The following ANKRD22 variants were observed in gnomAD, a reference collection of about 807,000 sequenced individuals.
ANKRD22 encodes the protein ankyrin repeat domain-containing protein 22.
ANKRD22 carries 24 observed loss-of-function variants against 25.7 expected under a neutral mutation model. That is an observed-to-expected ratio of 0.93 (90% CI 0.68 to 1.31). The LOEUF is 1.31. Among genes scored for constraint, ANKRD22 ranks in the 50% most tolerant of loss-of-function variants. ANKRD22 has a pLI of 0.00. For missense variants in ANKRD22, 214 were observed against 227.1 expected, an observed-to-expected ratio of 0.94 and a Z score of 0.37; for synonymous variants, 84 against 84.3, an observed-to-expected ratio of 1.00 and a Z score of 0.02.
At chr10:88,843,963 T>C (rs1011599243) in intron 1 of ANKRD22, among the ~76,000 whole-genome samples, 1 of 152,116 alleles carries the variant, frequency 6.6e-6, no homozygotes, top group Non-Finnish European at 1.5e-5. Flanking sequence ...CACATAGGAC[T>C]CTCAAATCCA....
intron 4 of ANKRD22, among the ~76,000 whole-genome samples, chr10:88,823,790 T>C (rs1007915394): frequency 5.3e-5 from 7 of 131,168 alleles, no homozygotes; most frequent in African/African-American, 2.1e-4. Flanking sequence ...ATTGCGCCAC[T>C]GCGCTCCAGC....
chr10:88,849,803 T>C (rs79355036), intron 1 of ANKRD22, among the ~76,000 whole-genome samples: 2 of 152,098 alleles, frequency 1.3e-5, no homozygotes, highest in Non-Finnish European at 2.9e-5. Context: ...GAGTTACTTA[T>C]TCAAAATTAG....
chr10:88,824,231 TA>T (rs1451297544), intron 4 of ANKRD22, among the ~76,000 whole-genome samples: 1 of 152,256 alleles, frequency 6.6e-6, no homozygotes, highest in African/African-American at 2.4e-5. Context: ...CTGTTGGTAC[TA>T]ATTTAAAACA....
chr10:88,837,398 G>C (rs1438952003), intron 1 of ANKRD22, among the ~76,000 whole-genome samples: 1 of 152,208 alleles, frequency 6.6e-6, no homozygotes, highest in African/African-American at 2.4e-5. Flanking sequence ...ATGGACAGGA[G>C]TGGTTATGAG....
At chr10:88,851,473 C>A in intron 1 of ANKRD22, 114 bp downstream of exon 1, 1 of 1,141,364 alleles carries the variant, frequency 8.8e-7, no homozygotes, top group Admixed American at 1.8e-5. Flanking sequence ...AATGCTCCCC[C>A]AGGGAGTTGA....
At chr10:88,824,911 T>A (rs902175357) in intron 4 of ANKRD22, among the ~76,000 whole-genome samples, 17 of 152,116 alleles carry the variant, frequency 1.1e-4, no homozygotes, top group Non-Finnish European at 1.5e-5. Flanking sequence ...GCACAGTAAC[T>A]GTCAATACAA....
At chr10:88,843,818 T>C (rs1844024686) in intron 1 of ANKRD22, among the ~76,000 whole-genome samples, 1 of 152,168 alleles carries the variant, frequency 6.6e-6, no homozygotes, top group African/African-American at 2.4e-5. Context: ...TACATTCTTG[T>C]AACTCTCACA....
In ANKRD22 at chr10:88,831,952, G is replaced by T. The variant is rs1004682746; in HGVS notation, c.96C>A (p.Ala32=). ...WRWVKEDSSY[A]NVQDGFNGDT... Reference sequence around the variant, plus strand: ...CTCCATTAAAGCCATCTTGAACGTTGGCATAGCTGCTGTCTTCTTTCACCC... The same window carrying T: ...CTCCATTAAAGCCATCTTGAACGTTTGCATAGCTGCTGTCTTCTTTCACCC... The change falls in exon 2 of 6, where the codon GCC becomes GCA. Residue 32 remains alanine (A), a synonymous_variant. Coordinates refer to ENST00000371930, the MANE Select transcript of ANKRD22 (RefSeq NM_144590.3). 1.9e-6 allele frequency: 3 copies of T among 1,613,762 alleles called. No homozygotes were observed. The African/African-American group carries it at 4.0e-5, about 22-fold the overall frequency.
intron 1 of ANKRD22, among the ~76,000 whole-genome samples, chr10:88,844,794 T>A (rs1453999496): frequency 6.6e-6 from 1 of 152,136 alleles, no homozygotes; most frequent in Admixed American, 6.6e-5. Context: ...TCAATAGATA[T>A]GCACACATAT....
At chr10:88,831,543 G>A (rs543355798) in intron 2 of ANKRD22, among the ~76,000 whole-genome samples, 66 of 152,198 alleles carry the variant, frequency 4.3e-4, no homozygotes, top group Non-Finnish European at 8.8e-4. Flanking sequence ...AGAGGAGGAT[G>A]AAGAGAGGAA....
chr10:88,847,785 CA>C (rs1413266965), intron 1 of ANKRD22, among the ~76,000 whole-genome samples: 1 of 150,894 alleles, frequency 6.6e-6, no homozygotes, highest in African/African-American at 2.4e-5. Context: ...CCCCAAAAAA[CA>C]AAAAAAGACA....
Position 88,826,071 on chromosome 10 carries a change from A to G in ANKRD22, c.366T>C (p.Leu122=). 1 of 1,613,124 alleles carries G rather than the reference A, an allele frequency of 6.2e-7. No individual in the cohort carries two copies. Among genetic ancestry groups the G allele is most frequent in the Non-Finnish European group, 8.5e-7 (1 of 1,179,552 alleles). Reference sequence around the variant, plus strand: ...TAGCATTAACTTCGACGCCAGCATCAAGTAGCATTCGTACAAGAGCCTCAT... The same window carrying G: ...TAGCATTAACTTCGACGCCAGCATCGAGTAGCATTCGTACAAGAGCCTCAT... ...KQNEALVRML[L]DAGVEVNATD... The change falls in exon 4 of 6, where the codon CTT becomes CTC. Residue 122 remains leucine, a synonymous_variant. Coordinates refer to ENST00000371930, the MANE Select transcript of ANKRD22 (RefSeq NM_144590.3).
Position 88,820,276 on chromosome 10 carries a change from A to G in ANKRD22, c.*2665T>C. 1.3e-6 allele frequency: 2 copies of G among 1,551,980 alleles called. No homozygotes were observed. Among genetic ancestry groups the G allele is most frequent in the Non-Finnish European group, 1.7e-6 (2 of 1,147,056 alleles). On this transcript the variant is annotated 3_prime_UTR_variant, in exon 6 of 6. Coordinates refer to ENST00000371930, the MANE Select transcript of ANKRD22 (RefSeq NM_144590.3). ...GAGTCAGAGATATGACGGTCCCTAC[A>G]GCAATGTGGACAGGAGGTCAGGACT...
chr10:88,844,730 C>T (rs930750702), intron 1 of ANKRD22, among the ~76,000 whole-genome samples: 2 of 151,380 alleles, frequency 1.3e-5, no homozygotes, highest in Admixed American at 6.6e-5. Flanking sequence ...GTGGGATTTC[C>T]TTAGTTGATT....
At chr10:88,825,748 T>C (rs1411908987) in intron 4 of ANKRD22, among the ~76,000 whole-genome samples, 1 of 152,250 alleles carries the variant, frequency 6.6e-6, no homozygotes, top group Non-Finnish European at 1.5e-5. Context: ...TTCTTAACTA[T>C]TATGGCTGGT....
rs1843785365 is a variant in ANKRD22 at position 88,820,874 on chromosome 10, C to A, written c.*2067G>T. On this transcript the variant is annotated 3_prime_UTR_variant, in exon 6 of 6. Coordinates refer to ENST00000371930, the MANE Select transcript of ANKRD22 (RefSeq NM_144590.3). Reference sequence around the variant, plus strand: ...TGGGACAGATATTGAGGTCTGGAGTCTGTGGATTATTGTTGACTTTGACAA... The same window carrying A: ...TGGGACAGATATTGAGGTCTGGAGTATGTGGATTATTGTTGACTTTGACAA... 2.0e-5 allele frequency among the ~76,000 whole-genome samples: 3 copies of A among 152,066 alleles called. No homozygotes were observed. Among genetic ancestry groups the A allele is most frequent in the Non-Finnish European group, 2.9e-5 (2 of 68,012 alleles).
At chr10:88,831,778 C>T in intron 2 of ANKRD22, 57 bp downstream of exon 2, 1 of 1,479,542 alleles carries the variant, frequency 6.8e-7, no homozygotes, top group Non-Finnish European at 9.0e-7. Context: ...TCTAGTGATT[C>T]AAAGAGAAAA....
chr10:88,844,185 C>CT (rs1844027789), intron 1 of ANKRD22, among the ~76,000 whole-genome samples: 1 of 152,066 alleles, frequency 6.6e-6, no homozygotes, highest in Admixed American at 6.6e-5. Context: ...CTGTCAAGCC[C>CT]TTTGAGACAA....
At chr10:88,827,671 A>G (rs1843867596) in intron 3 of ANKRD22, among the ~76,000 whole-genome samples, 2 of 152,226 alleles carry the variant, frequency 1.3e-5, no homozygotes, top group Admixed American at 1.3e-4. Flanking sequence ...CAACATTGTC[A>G]TGTTTAATTA....
Sources: gnomAD v4.1 joint callset for allele counts (sites outside exome capture counted in the v4.1 genomes callset) on GRCh38, gnomAD v4.1.1 for gene constraint, MANE v1.5 for transcripts, NCBI Gene and HGNC (gene_info 2026-07-23, HGNC 2026-07-21) for gene names.